Variants in ADCY3 observed in about 807,000 individuals in gnomAD.
The protein encoded by ADCY3 is adenylate cyclase 3, also known as adenylate cyclase type 3.
In ADCY3, 70 loss-of-function variants were observed where a neutral mutation model predicts 119.4. The observed-to-expected ratio is 0.59, with a 90% CI of 0.48 to 0.72. The LOEUF (loss-of-function observed/expected upper bound fraction) is 0.72. ADCY3 is among the 30% of genes least tolerant of loss of function. The pLI, the probability that ADCY3 is intolerant of heterozygous loss-of-function variation, is 0.00. For missense variants in ADCY3, 1,238 were observed against 1,541.6 expected, an observed-to-expected ratio of 0.80 and a Z score of 3.30; for synonymous variants, 672 against 621.4, an observed-to-expected ratio of 1.08 and a Z score of -1.21.
intron 2 of ADCY3, among the ~76,000 whole-genome samples, chr2:24,906,991 C>T (rs1244021378): frequency 2.6e-5 from 4 of 152,082 alleles, no homozygotes; most frequent in Non-Finnish European, 5.9e-5. Flanking sequence ...ATTAGCCAGG[C>T]GTGGTGGCAC....
intron 2 of ADCY3, among the ~76,000 whole-genome samples, chr2:24,883,382 G>A (rs1042616167): frequency 2.0e-5 from 3 of 151,824 alleles, no homozygotes; most frequent in Non-Finnish European, 4.4e-5. Context: ...GCAGTGAACA[G>A]AGGATGTGCA....
At chr2:24,827,703 G>T in intron 14 of ADCY3, 95 bp from the exon 15 acceptor site, 1 of 1,446,394 alleles carries the variant, frequency 6.9e-7, no homozygotes, top group Non-Finnish European at 9.5e-7. Context: ...TCCACTCGGG[G>T]AGAATGGGAA....
Position 24,834,240 on chromosome 2 carries a change from T to C in ADCY3, c.1967+245A>G, listed in dbSNP as rs942491843. Among the ~76,000 whole-genome samples the C allele has an allele frequency of 7.2e-5, 11 of 152,184 alleles. No individual in the cohort carries two copies. Among genetic ancestry groups the C allele is most frequent in the African/African-American group, 2.4e-4 (10 of 41,446 alleles). ...GGAGGCCTCTGTCCCTCAGCTCTCT[T>C]GATCCTGGCCAGATCCCCATTCTGA... On this transcript the variant is annotated intron_variant, in intron 11 of 21. Transcript: ENST00000679454. The surrounding 1 kb of genome is among the most constrained non-coding windows in gnomAD (Gnocchi z 4.2).
At chr2:24,884,498 C>CG (rs370600692) in intron 2 of ADCY3, among the ~76,000 whole-genome samples, 4,593 of 98,066 alleles carry the variant, frequency 0.047, 144 homozygotes, top group African/African-American at 0.15. Flanking sequence ...TTTTTTGAGA[C>CG]GGAGTCTCAC....
intron 2 of ADCY3, among the ~76,000 whole-genome samples, chr2:24,913,585 A>G (rs564909003): frequency 2.0e-5 from 3 of 152,052 alleles, no homozygotes; most frequent in Non-Finnish European, 4.4e-5. Context: ...CAGTCCCCTT[A>G]TCTGTGAAAT....
At chr2:24,839,837 C>A in intron 7 of ADCY3, 36 bp downstream of exon 7, 1 of 1,613,394 alleles carries the variant, frequency 6.2e-7, no homozygotes. Flanking sequence ...GTCCCCTCCC[C>A]AGTCCTCAAA....
intron 3 of ADCY3, among the ~76,000 whole-genome samples, chr2:24,861,250 C>CAA (rs67641689): frequency 1.8e-5 from 2 of 113,424 alleles, no homozygotes; most frequent in Non-Finnish European, 3.7e-5. Context: ...GACTCCATCT[C>CAA]AAAAAAAAAA....
intron 3 of ADCY3, among the ~76,000 whole-genome samples, chr2:24,857,166 A>C (rs1345039969): frequency 1.3e-5 from 2 of 152,234 alleles, no homozygotes; most frequent in Non-Finnish European, 2.9e-5. Flanking sequence ...GGGACACCGA[A>C]CATGTGGGAC....
chr2:24,909,459 C>T (rs1663310723), intron 2 of ADCY3, among the ~76,000 whole-genome samples: 1 of 152,178 alleles, frequency 6.6e-6, no homozygotes, highest in African/African-American at 2.4e-5. Context: ...GGGCAGTGTC[C>T]TGGACACAGG....
rs1016533479 is a variant in ADCY3 at position 24,899,413 on chromosome 2, C to A, written c.675+18900G>T. Reference sequence around the variant, plus strand: ...CGGGACCTCACTCTCGGCTGGAATGCTGCTGTCACCCCAGCCACCTCTGCC... The same window carrying A: ...CGGGACCTCACTCTCGGCTGGAATGATGCTGTCACCCCAGCCACCTCTGCC... On this transcript the variant is annotated intron_variant, in intron 2 of 21. Coordinates refer to ENST00000679454, the MANE Select transcript of ADCY3 (RefSeq NM_004036.5). The surrounding 1 kb of genome is among the most constrained non-coding windows in gnomAD (Gnocchi z 4.5). Among the ~76,000 whole-genome samples the A allele has an allele frequency of 1.3e-5, 2 of 152,258 alleles. No individual in the cohort carries two copies. Among genetic ancestry groups the A allele is most frequent in the Non-Finnish European group, 2.9e-5 (2 of 68,044 alleles).
intron 18 of ADCY3, 82 bp downstream of exon 18, chr2:24,823,127 C>T (rs916682095): frequency 1.3e-6 from 2 of 1,490,832 alleles, no homozygotes; most frequent in African/African-American, 2.8e-5. Context: ...GCCAGTTTCT[C>T]TGGCCTCTGC....
At chr2:24,833,306 C>A (rs548575545) in intron 11 of ADCY3, among the ~76,000 whole-genome samples, 113 of 152,302 alleles carry the variant, frequency 7.4e-4, no homozygotes, top group Admixed American at 2.9e-3. Context: ...GGCCCGTTCC[C>A]AATGCGATGC....
intron 3 of ADCY3, among the ~76,000 whole-genome samples, chr2:24,859,369 G>A (rs542877602): frequency 6.6e-6 from 1 of 152,284 alleles, no homozygotes; most frequent in East Asian, 1.9e-4. Flanking sequence ...TGGTCCCCCT[G>A]CCCCGACCTC....
intron 2 of ADCY3, among the ~76,000 whole-genome samples, chr2:24,873,303 T>C (rs2148820973): frequency 6.6e-6 from 1 of 152,300 alleles, no homozygotes; most frequent in Non-Finnish European, 1.5e-5. Flanking sequence ...GTTTCTAGTT[T>C]TCTGGGATTC....
chr2:24,847,937 G>A (rs1203115741), intron 3 of ADCY3, among the ~76,000 whole-genome samples: 3 of 152,224 alleles, frequency 2.0e-5, no homozygotes, highest in East Asian at 1.9e-4. Flanking sequence ...ATCCCAGCCC[G>A]CACTGGAGTG....
chr2:24,863,493 C>T (rs1673926249), intron 3 of ADCY3, among the ~76,000 whole-genome samples: 1 of 152,102 alleles, frequency 6.6e-6, no homozygotes, highest in South Asian at 2.1e-4. Flanking sequence ...TAATAAACTC[C>T]CCTTCATAGA....
chr2:24,830,241 A>G (rs1433127594), intron 13 of ADCY3, among the ~76,000 whole-genome samples: 2 of 145,328 alleles, frequency 1.4e-5, no homozygotes, highest in Admixed American at 1.4e-4. Context: ...GGGTTTCACC[A>G]TGTTGGCCAG....
chr2:24,826,212 T>A, intron 15 of ADCY3, 86 bp from the exon 16 acceptor site: 1 of 1,215,172 alleles, frequency 8.2e-7, no homozygotes. Flanking sequence ...TGGTGCTGCT[T>A]CCTGCCACCC....
chr2:24,883,343 G>A (rs1290132715), intron 2 of ADCY3, among the ~76,000 whole-genome samples: 1 of 117,888 alleles, frequency 8.5e-6, no homozygotes, highest in Non-Finnish European at 1.7e-5. Flanking sequence ...GAGAGACTCT[G>A]TCTCAAAAAA....
Sources: allele counts gnomAD v4.1 joint callset (sites outside exome capture counted in the v4.1 genomes callset), GRCh38; gene constraint gnomAD v4.1.1; non-coding constraint Gnocchi (gnomAD v3.1); transcripts MANE v1.5; gene names NCBI Gene and HGNC (gene_info 2026-07-23, HGNC 2026-07-21).